RBFOX3: variants seen among roughly 807,000 people sequenced by gnomAD.
The protein encoded by RBFOX3 is RNA binding fox-1 homolog 3, also known as RNA binding protein fox-1 homolog 3.
A neutral mutation model predicts 48.7 loss-of-function variants in RBFOX3; 17 were observed. That is an observed-to-expected ratio of 0.35 (90% CI 0.24 to 0.52). The LOEUF (loss-of-function observed/expected upper bound fraction) is 0.52. RBFOX3 is among the 20% of genes least tolerant of loss of function. The probability of loss-of-function intolerance (pLI) is 0.94; values close to 1 mark genes in which losing one functional copy is unlikely to be tolerated. For synonymous variants in RBFOX3, 212 were observed against 209.5 expected (o/e 1.01, Z -0.10); for missense variants, 382 against 497.5 (o/e 0.77, Z 2.21).
the RBFOX3 span, among the ~76,000 whole-genome samples, chr17:79,637,820 AGGG>A: frequency 6.8e-6 from 1 of 146,878 alleles, no homozygotes; most frequent in African/African-American, 2.5e-5. Flanking sequence ...AGGGAAGGGA[AGGG>A]AAGGGAAGGG....
At chr17:79,097,578 G>A (rs887678220) in intron 10 of RBFOX3, 114 bp downstream of exon 10, 148 of 1,424,096 alleles carry the variant, frequency 1.0e-4, no homozygotes, top group Non-Finnish European at 1.3e-4. Context: ...GGCGACGGGA[G>A]GGCGGGGACG....
In RBFOX3 at chr17:79,204,290, C is replaced by T. The variant is rs1038838091; in HGVS notation, c.-34+31476G>A. Among the ~76,000 whole-genome samples the T allele has an allele frequency of 2.6e-5, 4 of 152,226 alleles. No individual in the cohort carries two copies. The East Asian group carries it at 7.7e-4, about 29-fold the overall frequency. On this transcript the variant is annotated intron_variant, in intron 4 of 14. Coordinates refer to ENST00000693108, the MANE Select transcript of RBFOX3 (RefSeq NM_001350451.2). The surrounding 1 kb of genome is among the most constrained non-coding windows in gnomAD (Gnocchi z 4.5). ...ACCAGTGGACGCCGGGGAGCGGACA[C>T]ACACCAGCGGGCGCCGGGGAGCGGG...
intron 2 of RBFOX3, among the ~76,000 whole-genome samples, chr17:79,412,771 CTGTGTGGTGTATG>C (rs903388534): frequency 1.7e-4 from 26 of 149,982 alleles, no homozygotes; most frequent in South Asian, 2.1e-4. Context: ...GTTGTGATGT[CTGTGTGGTGTATG>C]TGTGTGGTGT....
chr17:79,396,741 G>C (rs2062037519), intron 2 of RBFOX3, among the ~76,000 whole-genome samples: 1 of 152,234 alleles, frequency 6.6e-6, no homozygotes, highest in South Asian at 2.1e-4. Flanking sequence ...CGGGCCCCAG[G>C]CTGTGGGCAG....
chr17:79,127,723 T>G (rs2037685988), intron 4 of RBFOX3, among the ~76,000 whole-genome samples: 1 of 152,096 alleles, frequency 6.6e-6, no homozygotes, highest in Non-Finnish European at 1.5e-5. Flanking sequence ...TGTCCTGCCA[T>G]GATTAAAGCT....
chr17:79,655,109 C>T, the RBFOX3 span, among the ~76,000 whole-genome samples: 2 of 152,278 alleles, frequency 1.3e-5, no homozygotes, highest in East Asian at 1.9e-4. Flanking sequence ...AGTTAAATGT[C>T]GGGTGGAAGC....
intron 2 of RBFOX3, among the ~76,000 whole-genome samples, chr17:79,465,635 C>A (rs1170859848): frequency 6.6e-6 from 1 of 152,164 alleles, no homozygotes; most frequent in Non-Finnish European, 1.5e-5. Flanking sequence ...TGCATGTTAA[C>A]TAGCCTAAGC....
At position 79,443,135 on chromosome 17, in the gene RBFOX3, A is replaced by G. The variant is rs1450838027; in HGVS notation, c.-175+39319T>C. On this transcript the variant is annotated intron_variant, in intron 2 of 14. Coordinates refer to ENST00000693108, the MANE Select transcript of RBFOX3 (RefSeq NM_001350451.2). This position sits in a 1 kb window ranked among gnomAD's most constrained non-coding sequence, Gnocchi z 4.4. ...GGACAAAACCGGAGCTCAGCCTCCC[A>G]TGTCGCCTCCCCAACCAGCCACCTG... 1.3e-5 allele frequency among the ~76,000 whole-genome samples: 2 copies of G among 152,158 alleles called. No individual in the cohort carries two copies. The highest frequency in any genetic ancestry group is 6.5e-5 in the Admixed American group (1 of 15,286).
chr17:79,507,183 T>C (rs1598980602), intron 1 of RBFOX3, among the ~76,000 whole-genome samples: 1 of 152,046 alleles, frequency 6.6e-6, no homozygotes, highest in Non-Finnish European at 1.5e-5. Context: ...CGGTGCTCCA[T>C]CCCGCCTGCT....
intron 3 of RBFOX3, among the ~76,000 whole-genome samples, chr17:79,290,312 CTG>C (rs2144831513): frequency 6.6e-6 from 1 of 152,240 alleles, no homozygotes; most frequent in Non-Finnish European, 1.5e-5. Flanking sequence ...AATGCAGGCT[CTG>C]GGGTGAGCCA....
chr17:79,632,253 C>G, the RBFOX3 span, among the ~76,000 whole-genome samples: 1 of 152,136 alleles, frequency 6.6e-6, no homozygotes, highest in Non-Finnish European at 1.5e-5. Context: ...GACGGGTTTT[C>G]CATCACCTGG....
chr17:79,465,572 C>G (rs1555753103), intron 2 of RBFOX3, among the ~76,000 whole-genome samples: 1 of 141,714 alleles, frequency 7.1e-6, no homozygotes, highest in African/African-American at 3.0e-5. Context: ...TGCAAGCACA[C>G]ATGCACAAAA....
chr17:79,148,257 T>C (rs2043484709), intron 4 of RBFOX3, among the ~76,000 whole-genome samples: 1 of 152,202 alleles, frequency 6.6e-6, no homozygotes, highest in Non-Finnish European at 1.5e-5. Context: ...CACAGTCCCT[T>C]CTCCAGCCTC....
intron 3 of RBFOX3, among the ~76,000 whole-genome samples, chr17:79,285,699 T>G (rs150449306): frequency 0.027 from 3,217 of 120,788 alleles, 133 homozygotes; most frequent in African/African-American, 0.095. Context: ...GTTTTGTTTT[T>G]TTGAGATGGA....
At chr17:79,267,166 G>C (rs991353137) in intron 3 of RBFOX3, among the ~76,000 whole-genome samples, 13 of 152,030 alleles carry the variant, frequency 8.6e-5, no homozygotes, top group Non-Finnish European at 1.9e-4. Context: ...CACCCACTTG[G>C]GGTGGGGGCA....
intron 1 of RBFOX3, among the ~76,000 whole-genome samples, chr17:79,529,617 G>A (rs1376812242): frequency 2.0e-5 from 3 of 152,226 alleles, no homozygotes; most frequent in Non-Finnish European, 2.9e-5. Flanking sequence ...GGATGCTTGT[G>A]TGAGGTCAAG....
chr17:79,653,647 C>T, the RBFOX3 span, among the ~76,000 whole-genome samples: 5 of 151,914 alleles, frequency 3.3e-5, no homozygotes, highest in East Asian at 1.9e-4. Flanking sequence ...AGGTTAATTC[C>T]GGAAGAAACA....
At chr17:79,645,118 C>G in the RBFOX3 span, among the ~76,000 whole-genome samples, 1 of 152,202 alleles carries the variant, frequency 6.6e-6, no homozygotes, top group Non-Finnish European at 1.5e-5. Flanking sequence ...TGCTCAGACT[C>G]AAGCTGCCCT....
intron 1 of RBFOX3, among the ~76,000 whole-genome samples, chr17:79,555,200 A>G (rs991463088): frequency 9.2e-5 from 14 of 152,276 alleles, no homozygotes; most frequent in African/African-American, 2.9e-4. Flanking sequence ...CATGGGTGAT[A>G]GCTATCACAT....
Sources: allele counts gnomAD v4.1 joint callset (sites outside exome capture counted in the v4.1 genomes callset), GRCh38; gene constraint gnomAD v4.1.1; non-coding constraint Gnocchi (gnomAD v3.1); transcripts MANE v1.5; gene names NCBI Gene and HGNC (gene_info 2026-07-23, HGNC 2026-07-21).